The following APBB1IP variants were observed in gnomAD, a reference collection of about 807,000 sequenced individuals.
APBB1IP encodes amyloid beta A4 precursor protein-binding family B member 1-interacting protein.
APBB1IP carries 27 observed loss-of-function variants against 64.9 expected under a neutral mutation model. The observed-to-expected ratio is 0.42, with a 90% CI of 0.31 to 0.57. The LOEUF is 0.57. Ranked by LOEUF, APBB1IP falls within the 20% of genes least tolerant of loss-of-function variation. The pLI, the probability that APBB1IP is intolerant of heterozygous loss-of-function variation, is 0.20. For synonymous variants in APBB1IP, 392 were observed against 331.0 expected, an observed-to-expected ratio of 1.18 and a Z score of -2.00; for missense variants, 812 against 845.5, an observed-to-expected ratio of 0.96 and a Z score of 0.49.
At chr10:26,446,189 T>C (rs1835396438) in intron 2 of APBB1IP, among the ~76,000 whole-genome samples, 1 of 152,366 alleles carries the variant, frequency 6.6e-6, no homozygotes. Flanking sequence ...AATTTACCTA[T>C]GGCCACTGTT....
intron 2 of APBB1IP, among the ~76,000 whole-genome samples, chr10:26,489,090 A>T (rs1045726103): frequency 6.6e-6 from 1 of 152,176 alleles, no homozygotes; most frequent in African/African-American, 2.4e-5. Flanking sequence ...GACACCTCCT[A>T]CACTGGACGC....
At chr10:26,549,338 A>G (rs1330714603) in intron 11 of APBB1IP, among the ~76,000 whole-genome samples, 1 of 152,206 alleles carries the variant, frequency 6.6e-6, no homozygotes, top group Non-Finnish European at 1.5e-5. Flanking sequence ...TGTAGGCCTC[A>G]TAGAATGAGT....
chr10:26,455,035 A>C (rs1201909852), intron 2 of APBB1IP, among the ~76,000 whole-genome samples: 1 of 152,212 alleles, frequency 6.6e-6, no homozygotes, highest in Non-Finnish European at 1.5e-5. Context: ...CTCTGCTCAG[A>C]GGCTGTCTCT....
At chr10:26,471,313 T>A (rs1487493862) in intron 2 of APBB1IP, among the ~76,000 whole-genome samples, 3 of 152,218 alleles carry the variant, frequency 2.0e-5, no homozygotes, top group Non-Finnish European at 2.9e-5. Context: ...ACGGGGCTAA[T>A]TCTGCAAGAT....
chr10:26,477,896 A>T (rs1306812907), intron 2 of APBB1IP, among the ~76,000 whole-genome samples: 1 of 152,160 alleles, frequency 6.6e-6, no homozygotes, highest in Non-Finnish European at 1.5e-5. Flanking sequence ...CTAACTTTTT[A>T]AAATTTTTTG....
At chr10:26,522,863 G>A (rs949914231) in intron 8 of APBB1IP, among the ~76,000 whole-genome samples, 11 of 151,934 alleles carry the variant, frequency 7.2e-5, no homozygotes, top group Admixed American at 7.2e-4. Context: ...AATTAGCTGG[G>A]CATGGTGGCA....
intron 2 of APBB1IP, among the ~76,000 whole-genome samples, chr10:26,480,602 G>A (rs1207580425): frequency 6.8e-6 from 1 of 146,922 alleles, no homozygotes; most frequent in Non-Finnish European, 1.5e-5. Flanking sequence ...CTTTAATATT[G>A]GAATGGTTGA....
intron 2 of APBB1IP, among the ~76,000 whole-genome samples, chr10:26,458,221 C>G (rs1031315687): frequency 1.3e-5 from 2 of 152,176 alleles, no homozygotes; most frequent in African/African-American, 4.8e-5. Flanking sequence ...AACCGCGTCT[C>G]TATTGAAAAT....
chr10:26,443,547 C>T (rs78122531), intron 2 of APBB1IP, among the ~76,000 whole-genome samples: 10 of 87,870 alleles, frequency 1.1e-4, no homozygotes, highest in Admixed American at 3.9e-4. Flanking sequence ...TTTATTTATT[C>T]ATTCATTCAT....
intron 2 of APBB1IP, among the ~76,000 whole-genome samples, chr10:26,469,840 G>A (rs535392584): frequency 1.3e-5 from 2 of 152,066 alleles, no homozygotes; most frequent in Non-Finnish European, 2.9e-5. Flanking sequence ...TGTTCAGCTC[G>A]TACTTATAAG....
At chr10:26,553,374 A>G (rs528597543) in intron 11 of APBB1IP, among the ~76,000 whole-genome samples, 8 of 152,022 alleles carry the variant, frequency 5.3e-5, no homozygotes, top group African/African-American at 1.9e-4. Flanking sequence ...CCTTTCAGCC[A>G]GGCACAGTGG....
chr10:26,461,576 A>G (rs1835592787), intron 2 of APBB1IP, among the ~76,000 whole-genome samples: 1 of 152,030 alleles, frequency 6.6e-6, no homozygotes, highest in South Asian at 2.1e-4. Flanking sequence ...TAAAGTTGAG[A>G]GTCAACTTGC....
chr10:26,448,169 T>C (rs1835422773), intron 2 of APBB1IP, among the ~76,000 whole-genome samples: 1 of 151,856 alleles, frequency 6.6e-6, no homozygotes, highest in African/African-American at 2.4e-5. Context: ...TTGATATAAT[T>C]GAAATTATGT....
intron 2 of APBB1IP, among the ~76,000 whole-genome samples, chr10:26,488,241 A>AT (rs57427674): frequency 0.19 from 27,647 of 146,402 alleles, 2,735 homozygotes; most frequent in African/African-American, 0.24. Flanking sequence ...TTTTGTAGGA[A>AT]TTTTTTTTTT....
chr10:26,469,100 T>C (rs1835683523), intron 2 of APBB1IP, among the ~76,000 whole-genome samples: 1 of 151,944 alleles, frequency 6.6e-6, no homozygotes, highest in Non-Finnish European at 1.5e-5. Context: ...TCTTCTTTTT[T>C]TTTTTTCACT....
intron 8 of APBB1IP, among the ~76,000 whole-genome samples, chr10:26,522,322 C>G (rs992228631): frequency 1.3e-5 from 2 of 152,204 alleles, no homozygotes; most frequent in Admixed American, 6.5e-5. Context: ...TATCAACACC[C>G]TCCACCAGCA....
At chr10:26,484,975 A>G (rs1352113975) in intron 2 of APBB1IP, among the ~76,000 whole-genome samples, 1 of 152,240 alleles carries the variant, frequency 6.6e-6, no homozygotes, top group Non-Finnish European at 1.5e-5. Context: ...TTAGAAAAGA[A>G]GAAAAGTCAT....
chr10:26,512,648 C>A (rs963078448), intron 7 of APBB1IP, among the ~76,000 whole-genome samples: 2 of 151,904 alleles, frequency 1.3e-5, no homozygotes, highest in Non-Finnish European at 2.9e-5. Context: ...GCTCTATCAC[C>A]GAAGCTACAG....
chr10:26,565,496 T>C (rs1467953431), intron 14 of APBB1IP, among the ~76,000 whole-genome samples: 1 of 152,140 alleles, frequency 6.6e-6, no homozygotes, highest in Non-Finnish European at 1.5e-5. Context: ...ACACAGCAAC[T>C]CCTGGATAAG....
Sources: allele counts gnomAD v4.1 joint callset (sites outside exome capture counted in the v4.1 genomes callset), GRCh38; gene constraint gnomAD v4.1.1; transcripts MANE v1.5; gene names NCBI Gene and HGNC (gene_info 2026-07-23, HGNC 2026-07-21).